The following CRY1 variants were observed in gnomAD, a reference collection of about 807,000 sequenced individuals.
The protein encoded by CRY1 is cryptochrome circadian regulator 1, also known as cryptochrome-1.
CRY1 carries 45 observed loss-of-function variants against 76.0 expected under a neutral mutation model. The ratio of observed to expected loss-of-function variants is 0.59; its 90% CI spans 0.47 to 0.76. CRY1 has a LOEUF of 0.76. CRY1 is among the 30% of genes least tolerant of loss of function. The probability of loss-of-function intolerance (pLI) is 0.00; values close to 1 mark genes in which losing one functional copy is unlikely to be tolerated. For missense variants in CRY1, 587 were observed against 716.4 expected (o/e 0.82, Z 2.06); for synonymous variants, 248 against 244.0 (o/e 1.02, Z -0.15).
rs1484806262 is a variant in CRY1, at chr12:106,999,942, CT to C, written c.824del (p.Lys275ArgfsTer2). 2.5e-6 allele frequency: 4 copies of C among 1,595,712 alleles called. No individual in the cohort carries two copies. The highest frequency in any genetic ancestry group is 2.2e-5 in the East Asian group (1 of 44,812). On this transcript the variant is annotated frameshift_variant and splice_region_variant, in exon 6 of 13. Transcript: ENST00000008527. LOFTEE classifies it high-confidence loss of function. ...AATAAGCTCTAATTTTAGAGAATAC[CT>C]TTTTGTAGAGATCTGTTAGTTTGAA... is the stretch of plus-strand genomic sequence containing the variant. ...FYFKLTDLYK[K>X]VKKNSSPPLS...
chr12:107,025,382 C>T (rs1352718494), intron 1 of CRY1, among the ~76,000 whole-genome samples: 1 of 152,118 alleles, frequency 6.6e-6, no homozygotes, highest in Non-Finnish European at 1.5e-5. Context: ...GCACAGATGT[C>T]CTATAATTTA....
chr12:107,020,588 C>T (rs1952544966), intron 2 of CRY1, among the ~76,000 whole-genome samples: 1 of 151,812 alleles, frequency 6.6e-6, no homozygotes, highest in East Asian at 1.9e-4. Context: ...CTCTCTTCCT[C>T]CTGCTCTGGC....
rs994532989 is a variant in CRY1, at chr12:107,016,014, A to T, written c.267+6070T>A. On this transcript the variant is annotated intron_variant, in intron 2 of 12. Coordinates refer to ENST00000008527, the MANE Select transcript of CRY1 (RefSeq NM_004075.5). ...AAAGGATAACATGAACAACTAAATG[A>T]ATATAAAGTTCTTGGCTGGACGTGG... Among the ~76,000 whole-genome samples the T allele has an allele frequency of 5.3e-5, 8 of 152,342 alleles. No homozygotes were observed. In the East Asian group the frequency reaches 1.5e-3, roughly 29 times the overall value.
At chr12:107,050,371 TA>T (rs1202291990) in intron 1 of CRY1, 3 of 152,298 alleles carry the variant, frequency 2.0e-5, no homozygotes, top group East Asian at 1.9e-4. Flanking sequence ...GAGGTGGGCC[TA>T]GGGGGGAGCC....
chr12:107,006,522 A>G (rs775845599), intron 2 of CRY1, among the ~76,000 whole-genome samples: 9 of 152,160 alleles, frequency 5.9e-5, no homozygotes, highest in Non-Finnish European at 1.2e-4. Flanking sequence ...AGCACATTCA[A>G]AATTCTGATA....
chr12:107,022,063 T>A, intron 2 of CRY1, 21 bp downstream of exon 2: 2 of 1,523,452 alleles, frequency 1.3e-6, no homozygotes, highest in Non-Finnish European at 1.8e-6. Flanking sequence ...GATTGTTTTA[T>A]GCAAATATTT....
intron 1 of CRY1, chr12:107,043,283 T>C (rs1001443240): frequency 6.6e-6 from 1 of 152,432 alleles, no homozygotes; most frequent in African/African-American, 2.4e-5. Context: ...TTGGCCACTC[T>C]GAGCAGTCAT....
chr12:107,079,138 C>T (rs1415804735), intron 1 of CRY1, among the ~76,000 whole-genome samples: 1 of 152,150 alleles, frequency 6.6e-6, no homozygotes, highest in Non-Finnish European at 1.5e-5. Flanking sequence ...CTACTTCCTA[C>T]TCATTTTACT....
At position 107,093,157 on chromosome 12, in the gene CRY1, T is replaced by G. The variant is rs1306221999; in HGVS notation, c.-196A>C. 62 of 579,446 alleles carry G rather than the reference T, an allele frequency of 1.1e-4. No homozygotes were observed. Among genetic ancestry groups the G allele is most frequent in the East Asian group, 1.3e-4 (4 of 31,148 alleles). The allele number at this position is 579,446 out of a possible 1,614,324, so 35.9% of individuals were successfully genotyped here. On this transcript the variant is annotated 5_prime_UTR_variant, in exon 1 of 13. Transcript: ENST00000008527. ...GCCGGAGGCGCAGTGGAAAGATGAATGGAGGTTGCCTAGTCGGCGGAGTCC... is the reference window on the plus strand; with the variant it reads ...GCCGGAGGCGCAGTGGAAAGATGAAGGGAGGTTGCCTAGTCGGCGGAGTCC...
Position 107,093,012 on chromosome 12 carries a change from C to G in CRY1, c.-51G>C, listed in dbSNP as rs1308244049. The G allele has an allele frequency of 1.4e-6, 2 of 1,463,836 alleles. No individual in the cohort carries two copies. Among genetic ancestry groups the G allele is most frequent in the Non-Finnish European group, 1.8e-6 (2 of 1,112,726 alleles). 90.7% of individuals were successfully genotyped at this position (1,463,836 alleles called of 1,614,324 possible). A position where few individuals can be genotyped will look rare whatever the true frequency, so the allele number is the denominator to read the frequency against. ...CGGAGAAATTCAAGGAAGGAGGCTC[C>G]GGCTCATAGCCGACACCTTCGCTTC... On this transcript the variant is annotated 5_prime_UTR_variant, in exon 1 of 13. Coordinates refer to ENST00000008527, the MANE Select transcript of CRY1 (RefSeq NM_004075.5).
chr12:107,054,378 TTTA>T (rs1459844870), intron 1 of CRY1, among the ~76,000 whole-genome samples: 1 of 151,532 alleles, frequency 6.6e-6, no homozygotes, highest in Non-Finnish European at 1.5e-5. Context: ...AATTAATAAA[TTTA>T]TTAAGTCTGA....
chr12:107,016,378 GTTC>G (rs1462249125), intron 2 of CRY1, among the ~76,000 whole-genome samples: 1 of 152,040 alleles, frequency 6.6e-6, no homozygotes, highest in African/African-American at 2.4e-5. Context: ...TTAAAAAAAA[GTTC>G]TTAAGTCATA....
intron 1 of CRY1, among the ~76,000 whole-genome samples, chr12:107,075,923 G>C (rs1006221070): frequency 2.6e-5 from 4 of 152,120 alleles, no homozygotes; most frequent in African/African-American, 9.7e-5. Flanking sequence ...AGAAAGGGTA[G>C]CTCCTGGGTT....
intron 10 of CRY1, among the ~76,000 whole-genome samples, chr12:106,995,113 TACTA>T (rs1952219626): frequency 1.3e-5 from 2 of 152,196 alleles, no homozygotes; most frequent in Admixed American, 1.3e-4. Flanking sequence ...CTCAACTACT[TACTA>T]ACTGTGGGAT....
At chr12:107,010,634 T>C (rs528438024) in intron 2 of CRY1, among the ~76,000 whole-genome samples, 2 of 152,160 alleles carry the variant, frequency 1.3e-5, no homozygotes, top group African/African-American at 4.8e-5. Context: ...TTAAGAGACG[T>C]GGTTTCACTG....
At chr12:107,033,888 G>A (rs1468172789) in intron 1 of CRY1, among the ~76,000 whole-genome samples, 1 of 149,660 alleles carries the variant, frequency 6.7e-6, no homozygotes, top group Non-Finnish European at 1.5e-5. Context: ...AGTGCAGGTT[G>A]AGCATCCCAA....
At position 106,998,003 on chromosome 12, in the gene CRY1, A is replaced by G; in HGVS notation, c.1201T>C (p.Ser401Pro). 3.1e-6 allele frequency: 5 copies of G among 1,614,192 alleles called. No homozygotes were observed. Among genetic ancestry groups the G allele is most frequent in the Non-Finnish European group, 4.2e-6 (5 of 1,180,012 alleles). Residue 401 changes from serine (S) to proline (P), a missense_variant, in exon 8 of 13, where the codon TCT (serine) becomes CCT (proline). By Grantham distance (74) the Ser-to-Pro change is moderately conservative. Coordinates refer to ENST00000008527, the MANE Select transcript of CRY1 (RefSeq NM_004075.5). ...AACTGTTGAAAAAAGGAACTACAAG[A>G]CAGCCACATCCAACTTCCAGCATTT... ...SINAGSWMWL[S>P]CSSFFQQFFH...
chr12:107,067,167 C>A (rs1161814071), intron 1 of CRY1, among the ~76,000 whole-genome samples: 3 of 151,962 alleles, frequency 2.0e-5, no homozygotes, highest in African/African-American at 7.3e-5. Context: ...TTTTGTATAG[C>A]CCACAAGTTA....
At chr12:107,048,955 C>A (rs1952882627) in intron 1 of CRY1, among the ~76,000 whole-genome samples, 1 of 152,044 alleles carries the variant, frequency 6.6e-6, no homozygotes, top group African/African-American at 2.4e-5. Context: ...TTACCGTGTT[C>A]CAGACATTAT....
Sources: allele counts gnomAD v4.1 joint callset (sites outside exome capture counted in the v4.1 genomes callset), GRCh38; gene constraint gnomAD v4.1.1; transcripts MANE v1.5; gene names NCBI Gene and HGNC (gene_info 2026-07-23, HGNC 2026-07-21).